Variants in WWOX observed in about 807,000 individuals in gnomAD.
WWOX encodes WW domain containing oxidoreductase, also known as WW domain-containing oxidoreductase.
A neutral mutation model predicts 46.2 loss-of-function variants in WWOX; 69 were observed. That is an observed-to-expected ratio of 1.49 (90% CI 1.23 to 1.82). WWOX has a LOEUF of 1.82. Ranked by LOEUF, WWOX falls within the 40% of genes most tolerant of loss-of-function variation. The pLI is 0.00. For synonymous variants in WWOX, 359 were observed against 202.6 expected (o/e 1.77, Z -6.56); for missense variants, 919 against 542.6 (o/e 1.69, Z -6.89).
chr16:78,677,224 T>C (rs559284849), intron 8 of WWOX, among the ~76,000 whole-genome samples: 17 of 152,300 alleles, frequency 1.1e-4, no homozygotes, highest in Middle Eastern at 3.4e-3. Context: ...ACCTGAATTA[T>C]ACCCGGCCTC....
Position 78,344,537 on chromosome 16 carries a change from T to C in WWOX, c.517-42323T>C, listed in dbSNP as rs1322377876. ...CAGGAAATGCCATTCACCTTTACCA[T>C]GAATGGGAATCTTTGCCTGTGACTC... On this transcript the variant is annotated intron_variant, in intron 5 of 8. Transcript: ENST00000566780. 4.1e-5 allele frequency among the ~76,000 whole-genome samples: 5 copies of C among 121,034 alleles called. 1 individual carries two copies. Among genetic ancestry groups the C allele is most frequent in the African/African-American group, 1.4e-4 (5 of 35,680 alleles). The allele number at this position is 121,034 out of a possible 152,430, so 79.4% of individuals were successfully genotyped here.
At chr16:78,589,701 G>A (rs938175577) in intron 8 of WWOX, among the ~76,000 whole-genome samples, 1 of 152,194 alleles carries the variant, frequency 6.6e-6, no homozygotes, top group Non-Finnish European at 1.5e-5. Flanking sequence ...ATAAAGACTT[G>A]TGAAGGTAAA....
chr16:79,124,589 T>C (rs2049710967), intron 8 of WWOX, among the ~76,000 whole-genome samples: 1 of 152,086 alleles, frequency 6.6e-6, no homozygotes, highest in African/African-American at 2.4e-5. Context: ...GTCCCAGCCA[T>C]AGAAAGAAAT....
At chr16:78,600,889 C>G (rs1275190193) in intron 8 of WWOX, among the ~76,000 whole-genome samples, 2 of 152,118 alleles carry the variant, frequency 1.3e-5, no homozygotes, top group Admixed American at 6.5e-5. Flanking sequence ...CAGGGAGAAG[C>G]CTGTGTGACC....
intron 6 of WWOX, among the ~76,000 whole-genome samples, chr16:78,389,393 A>G (rs1253526175): frequency 2.0e-5 from 3 of 152,172 alleles, no homozygotes; most frequent in Non-Finnish European, 4.4e-5. Flanking sequence ...CAGTAACCGC[A>G]CACAAGCTGT....
intron 8 of WWOX, among the ~76,000 whole-genome samples, chr16:78,550,344 C>G (rs1465961406): frequency 6.6e-6 from 1 of 152,194 alleles, no homozygotes; most frequent in Non-Finnish European, 1.5e-5. Flanking sequence ...AGGTACCTAT[C>G]ACAACTACTA....
intron 5 of WWOX, among the ~76,000 whole-genome samples, chr16:78,326,858 G>A (rs959278977): frequency 6.6e-6 from 1 of 151,964 alleles, no homozygotes; most frequent in Non-Finnish European, 1.5e-5. Context: ...TCAGTATCTG[G>A]GGCTTTTTCG....
At chr16:79,191,355 C>G (rs1276810524) in intron 8 of WWOX, among the ~76,000 whole-genome samples, 6 of 152,116 alleles carry the variant, frequency 3.9e-5, no homozygotes, top group Non-Finnish European at 5.9e-5. Flanking sequence ...CGCGCCCAGC[C>G]CATGACTTCT....
At chr16:78,702,042 T>TATATATATATATATATATAA (rs1229780052) in intron 8 of WWOX, among the ~76,000 whole-genome samples, 16 of 120,920 alleles carry the variant, frequency 1.3e-4, no homozygotes, top group African/African-American at 5.6e-4. Context: ...TATATATATA[T>TATATATATATATATATATAA]ATAAAATAAT....
At chr16:78,682,355 GT>G (rs1196312114) in intron 8 of WWOX, among the ~76,000 whole-genome samples, 2 of 152,116 alleles carry the variant, frequency 1.3e-5, no homozygotes, top group Admixed American at 6.6e-5. Flanking sequence ...TTTCAGCTCA[GT>G]TTTTTTGTAC....
At chr16:78,287,330 C>T (rs2079785966) in intron 5 of WWOX, among the ~76,000 whole-genome samples, 1 of 152,100 alleles carries the variant, frequency 6.6e-6, no homozygotes. Flanking sequence ...TTGAAATGAA[C>T]TAGCATCTCA....
chr16:78,239,486 C>A (rs1451284870), intron 5 of WWOX, among the ~76,000 whole-genome samples: 1 of 152,134 alleles, frequency 6.6e-6, no homozygotes, highest in African/African-American at 2.4e-5. Context: ...CTTCCCAGGC[C>A]CCTCTATCCC....
intron 8 of WWOX, among the ~76,000 whole-genome samples, chr16:78,812,776 C>T (rs2051224963): frequency 6.6e-6 from 1 of 152,046 alleles, no homozygotes; most frequent in Admixed American, 6.6e-5. Flanking sequence ...AATGCAGAAT[C>T]AGCACTAATT....
chr16:78,282,977 G>A (rs1251038772), intron 5 of WWOX, among the ~76,000 whole-genome samples: 1 of 151,988 alleles, frequency 6.6e-6, no homozygotes, highest in Non-Finnish European at 1.5e-5. Flanking sequence ...AAGCTCTGGA[G>A]GGTGAATTGT....
chr16:78,174,009 C>G (rs1391318032), intron 5 of WWOX, among the ~76,000 whole-genome samples: 1 of 152,090 alleles, frequency 6.6e-6, no homozygotes, highest in Admixed American at 6.5e-5. Flanking sequence ...TGTAAGGGCA[C>G]TAATCCCTTC....
chr16:78,918,017 C>T (rs1338838798), intron 8 of WWOX, among the ~76,000 whole-genome samples: 1 of 152,062 alleles, frequency 6.6e-6, no homozygotes, highest in African/African-American at 2.4e-5. Flanking sequence ...GACTGGGCAA[C>T]ACAGTGAGAC....
At chr16:78,427,577 G>T (rs1456922684) in intron 7 of WWOX, among the ~76,000 whole-genome samples, 1 of 151,760 alleles carries the variant, frequency 6.6e-6, no homozygotes, top group African/African-American at 2.4e-5. Flanking sequence ...CAGCTTCTGT[G>T]TAGACAGAAT....
intron 8 of WWOX, among the ~76,000 whole-genome samples, chr16:78,453,159 C>A (rs887134596): frequency 1.3e-5 from 2 of 152,080 alleles, no homozygotes; most frequent in Non-Finnish European, 2.9e-5. Context: ...TGTGGTAGCT[C>A]ACTTCTGTAA....
At chr16:78,412,917 C>G (rs996329365) in intron 6 of WWOX, among the ~76,000 whole-genome samples, 2 of 152,102 alleles carry the variant, frequency 1.3e-5, no homozygotes, top group Non-Finnish European at 2.9e-5. Context: ...TTTTTCTCTT[C>G]CCAGCCCTTG....
Sources: gnomAD v4.1 joint callset for allele counts (sites outside exome capture counted in the v4.1 genomes callset) on GRCh38, gnomAD v4.1.1 for gene constraint, MANE v1.5 for transcripts, NCBI Gene and HGNC (gene_info 2026-07-23, HGNC 2026-07-21) for gene names.